Variants in CDH18 observed in about 807,000 individuals in gnomAD.
CDH18 encodes the protein cadherin 18.
Under a neutral mutation model 67.9 loss-of-function variants are expected in CDH18, and 31 were observed. The ratio of observed to expected loss-of-function variants is 0.46; its 90% confidence interval spans 0.34 to 0.62. CDH18 has a LOEUF of 0.62. Ranked by LOEUF, CDH18 falls within the 20% of genes least tolerant of loss-of-function variation. The probability of loss-of-function intolerance (pLI) is 0.01; values close to 1 mark genes in which losing one functional copy is unlikely to be tolerated. For synonymous variants in CDH18, 362 were observed against 347.2 expected (o/e 1.04, Z -0.48); for missense variants, 890 against 975.5 (o/e 0.91, Z 1.17).
chr5:19,783,835 C>T (rs545374562), intron 3 of CDH18, among the ~76,000 whole-genome samples: 1 of 152,218 alleles, frequency 6.6e-6, no homozygotes, highest in Admixed American at 6.5e-5. Context: ...GAACATGGGA[C>T]TCATACAAAC....
At chr5:20,146,578 T>C (rs561015875) in intron 2 of CDH18, among the ~76,000 whole-genome samples, 4 of 151,138 alleles carry the variant, frequency 2.6e-5, no homozygotes, top group Non-Finnish European at 4.4e-5. Flanking sequence ...CAGTGCTTTA[T>C]AGTGTATGGC....
intron 1 of CDH18, among the ~76,000 whole-genome samples, chr5:20,338,672 G>A (rs1417222521): frequency 1.3e-5 from 2 of 152,210 alleles, no homozygotes; most frequent in Non-Finnish European, 2.9e-5. Flanking sequence ...AAACAACAAG[G>A]AGGAATATGT....
At chr5:19,755,803 G>A (rs1771530051) in intron 3 of CDH18, among the ~76,000 whole-genome samples, 2 of 151,788 alleles carry the variant, frequency 1.3e-5, no homozygotes, top group Admixed American at 6.6e-5. Flanking sequence ...TGTCGACTGG[G>A]AGACTAGGCC....
intron 2 of CDH18, among the ~76,000 whole-genome samples, chr5:19,939,266 A>G (rs767964214): frequency 4.0e-5 from 6 of 151,554 alleles, no homozygotes; most frequent in Non-Finnish European, 7.4e-5. Flanking sequence ...TCTACTTTAA[A>G]TCTAGCAGTA....
At chr5:20,140,387 A>C (rs1750141926) in intron 2 of CDH18, among the ~76,000 whole-genome samples, 3 of 152,188 alleles carry the variant, frequency 2.0e-5, no homozygotes, top group Non-Finnish European at 2.9e-5. Context: ...TAATGGGTGC[A>C]GCACACCAAC....
At position 19,935,645 on chromosome 5, in the gene CDH18, C is replaced by T. The variant is rs891372311; in HGVS notation, c.-257+45415G>A. On this transcript the variant is annotated intron_variant, in intron 2 of 12. Coordinates refer to ENST00000382275, the MANE Select transcript of CDH18 (RefSeq NM_004934.5). ...ACAAGGACAAAAAAACACCTAACAA[C>T]GCATTTCTCAGAATGTATCTTCTTT... 4.6e-5 allele frequency among the ~76,000 whole-genome samples: 7 copies of T among 151,170 alleles called. No homozygotes were observed. In the South Asian group the frequency reaches 6.2e-4, roughly 13 times the overall value.
At chr5:20,436,712 T>C (rs1435130440) in intron 1 of CDH18, among the ~76,000 whole-genome samples, 2 of 151,256 alleles carry the variant, frequency 1.3e-5, no homozygotes, top group Non-Finnish European at 3.0e-5. Context: ...GATACAAAAT[T>C]CACATGAAAT....
At chr5:19,701,427 G>A (rs1004806477) in intron 5 of CDH18, among the ~76,000 whole-genome samples, 2 of 152,068 alleles carry the variant, frequency 1.3e-5, no homozygotes, top group African/African-American at 4.8e-5. Context: ...CAAAGAGTGA[G>A]GGAGATGAGA....
intron 5 of CDH18, among the ~76,000 whole-genome samples, chr5:19,698,677 T>C (rs1419616213): frequency 6.6e-6 from 1 of 152,024 alleles, no homozygotes; most frequent in Admixed American, 6.6e-5. Flanking sequence ...TAGGTATCTG[T>C]ATGTGAATTA....
At chr5:19,842,272 T>C in intron 2 of CDH18, among the ~76,000 whole-genome samples, 1 of 152,168 alleles carries the variant, frequency 6.6e-6, no homozygotes, top group East Asian at 1.9e-4. Flanking sequence ...TGTCCCCACC[T>C]ATCTCTCATC....
intron 7 of CDH18, among the ~76,000 whole-genome samples, chr5:19,586,193 A>AT (rs1226579692): frequency 4.6e-5 from 7 of 152,024 alleles, no homozygotes; most frequent in East Asian, 3.9e-4. Context: ...ATTTTATTTT[A>AT]TTTTTTTATT....
chr5:20,335,025 T>G (rs1739595024), intron 1 of CDH18, among the ~76,000 whole-genome samples: 1 of 148,154 alleles, frequency 6.7e-6, no homozygotes, highest in South Asian at 2.1e-4. Context: ...TCTTTTTGAG[T>G]CTTCTCTTTG....
At chr5:19,785,797 T>C (rs1360919587) in intron 3 of CDH18, among the ~76,000 whole-genome samples, 1 of 137,090 alleles carries the variant, frequency 7.3e-6, no homozygotes, top group Non-Finnish European at 1.5e-5. Flanking sequence ...TAAGGTGACA[T>C]ATAAAATAAA....
rs113674591 is a variant in CDH18, at chr5:20,493,307, C to T, written c.-580+82155G>A. 2.0e-4 allele frequency among the ~76,000 whole-genome samples: 25 copies of T among 123,688 alleles called. 3 individuals are homozygous for T. The highest frequency in any genetic ancestry group is 7.5e-4 in the African/African-American group (24 of 31,966). 81.1% of individuals were successfully genotyped at this position (123,688 alleles called of 152,430 possible). Reference sequence around the variant, plus strand: ...GAGGTTGCAGTGAGCCGAGATCATGCAACTGCACTCCAGCCTGGGTGACAG... The same window carrying T: ...GAGGTTGCAGTGAGCCGAGATCATGTAACTGCACTCCAGCCTGGGTGACAG... On this transcript the variant is annotated intron_variant, in intron 1 of 14. Transcript: ENST00000507958.
At chr5:19,523,254 T>C (rs973681620) in intron 9 of CDH18, among the ~76,000 whole-genome samples, 2 of 152,166 alleles carry the variant, frequency 1.3e-5, no homozygotes, top group Non-Finnish European at 2.9e-5. Context: ...GAAAAATGGT[T>C]AGCATTAATA....
chr5:19,956,919 T>C (rs1796312327), intron 2 of CDH18, among the ~76,000 whole-genome samples: 1 of 151,946 alleles, frequency 6.6e-6, no homozygotes, highest in African/African-American at 2.4e-5. Context: ...AAATCCCAAG[T>C]AGTAGAGGTG....
rs183019463 is a variant in CDH18, at chr5:19,540,065, C to T, written c.1390+3804G>A. On this transcript the variant is annotated intron_variant, in intron 9 of 12. Transcript: ENST00000382275. ...CCTTCTGCTTATGAGCCTGGAAAAT[C>T]AAAAGCAAATTAGTTACTTCCTAGA... 3.7e-3 allele frequency among the ~76,000 whole-genome samples: 561 copies of T among 152,114 alleles called. 2 individuals are homozygous for T. The highest frequency in any genetic ancestry group is 5.9e-3 in the Non-Finnish European group (402 of 68,010).
At position 20,207,712 on chromosome 5, in the gene CDH18, C is replaced by T. The variant is rs539414825; in HGVS notation, c.-518+47732G>A. On this transcript the variant is annotated intron_variant, in intron 2 of 14. Coordinates refer to the CDH18 transcript ENST00000507958. ...CCACAACATGTGAAAATTATAGGAG[C>T]TACAAGATGAGATTTGGGTGGGGAC... Among the ~76,000 whole-genome samples the T allele has an allele frequency of 4.6e-5, 7 of 152,140 alleles. No homozygotes were observed. In the South Asian group the frequency reaches 8.3e-4, roughly 18 times the overall value.
At chr5:19,856,927 A>T (rs1784353438) in intron 2 of CDH18, among the ~76,000 whole-genome samples, 1 of 152,100 alleles carries the variant, frequency 6.6e-6, no homozygotes, top group South Asian at 2.1e-4. Context: ...GTTCCAAATT[A>T]GAAACTTGAG....
Sources: allele counts gnomAD v4.1 joint callset (sites outside exome capture counted in the v4.1 genomes callset), GRCh38; gene constraint gnomAD v4.1.1; transcripts MANE v1.5; gene names NCBI Gene and HGNC (gene_info 2026-07-23, HGNC 2026-07-21).